The following PCDHGB2 variants were observed in gnomAD, a reference collection of about 807,000 sequenced individuals.
PCDHGB2 encodes the protein protocadherin gamma-B2.
A neutral mutation model predicts 59.3 loss-of-function variants in PCDHGB2; 55 were observed. The observed-to-expected ratio is 0.93, with a 90% CI of 0.75 to 1.16. The LOEUF (loss-of-function observed/expected upper bound fraction) is 1.16. Among genes scored for constraint, PCDHGB2 ranks in the 50% most tolerant of loss-of-function variants. PCDHGB2 has a pLI of 0.00. For synonymous variants in PCDHGB2, 516 were observed against 512.0 expected, an observed-to-expected ratio of 1.01 and a Z score of -0.11; for missense variants, 1,228 against 1,198.5, an observed-to-expected ratio of 1.02 and a Z score of -0.36.
intron 1 of PCDHGB2, chr5:141,427,988 T>C (rs555561265): frequency 6.3e-7 from 1 of 1,598,504 alleles, no homozygotes; most frequent in South Asian, 1.1e-5. Context: ...TGGGGCCCGA[T>C]GGCTCCGCAC....
At chr5:141,509,096 T>C (rs1364889034) in intron 3 of PCDHGB2, among the ~76,000 whole-genome samples, 1 of 152,124 alleles carries the variant, frequency 6.6e-6, no homozygotes, top group African/African-American at 2.4e-5. Context: ...ATGGGGGCTG[T>C]AGAAACCTGA....
chr5:141,451,789 G>A (rs2098724524), intron 1 of PCDHGB2, among the ~76,000 whole-genome samples: 1 of 152,074 alleles, frequency 6.6e-6, no homozygotes, highest in South Asian at 2.1e-4. Flanking sequence ...GCTGAGGCCA[G>A]AGAATTGCTT....
At chr5:141,426,937 C>T in intron 1 of PCDHGB2, 1 of 456,736 alleles carries the variant, frequency 2.2e-6, no homozygotes, top group Non-Finnish European at 4.4e-6. Flanking sequence ...ATGGGTGACC[C>T]AGTCCCAACT....
intron 1 of PCDHGB2, chr5:141,394,974 A>T: frequency 6.2e-7 from 1 of 1,613,852 alleles, no homozygotes; most frequent in Non-Finnish European, 8.5e-7. Context: ...GCGCTGGCAC[A>T]AGTCACGCCT....
rs779718690 is a variant in PCDHGB2, at chr5:141,421,727, C to G, written c.2421+59171C>G. ...AGGGATCCAGATGTGGGCGTGAACT[C>G]CCTCCAGAGCTACCAGCTCAGCCCT... On this transcript the variant is annotated intron_variant, in intron 1 of 3. Coordinates refer to ENST00000522605, the MANE Select transcript of PCDHGB2 (RefSeq NM_018923.3). The G allele has an allele frequency of 1.9e-6, 3 of 1,613,916 alleles. No individual in the cohort carries two copies. In the East Asian group the frequency reaches 6.7e-5, roughly 36 times the overall value.
intron 1 of PCDHGB2, among the ~76,000 whole-genome samples, chr5:141,467,305 G>A (rs535466592): frequency 1.3e-5 from 2 of 152,078 alleles, no homozygotes; most frequent in African/African-American, 4.8e-5. Flanking sequence ...CACTCACCTC[G>A]GCCTCCCACA....
intron 1 of PCDHGB2, among the ~76,000 whole-genome samples, chr5:141,463,191 C>T (rs2099054821): frequency 6.6e-6 from 1 of 152,100 alleles, no homozygotes; most frequent in Non-Finnish European, 1.5e-5. Flanking sequence ...TATTATTTAG[C>T]CAAAGACTTG....
intron 1 of PCDHGB2, chr5:141,421,647 G>C: frequency 6.2e-7 from 1 of 1,613,872 alleles, no homozygotes; most frequent in South Asian, 1.1e-5. Context: ...ACGAAGTGGA[G>C]ATAAAAGTCA....
intron 1 of PCDHGB2, 72 bp downstream of exon 1, chr5:141,362,628 C>T (rs1366089431): frequency 1.0e-5 from 15 of 1,498,628 alleles, no homozygotes; most frequent in African/African-American, 7.0e-5. Context: ...AGTTCCACTG[C>T]GTATTTCTTT....
rs576044355 is a variant in PCDHGB2 at position 141,375,342 on chromosome 5, T to A, written c.2421+12786T>A. 97 of 1,613,798 alleles carry A rather than the reference T, an allele frequency of 6.0e-5. 3 individuals are homozygous for A. In the South Asian group the frequency reaches 9.8e-4, roughly 16 times the overall value. On this transcript the variant is annotated intron_variant, in intron 1 of 3. Transcript: ENST00000522605. Reference sequence around the variant, plus strand: ...CGGGAAGAGGTATTCTTGTACAACATCACTGTGACAGCCACGGACAAAGGA... The same window carrying A: ...CGGGAAGAGGTATTCTTGTACAACAACACTGTGACAGCCACGGACAAAGGA...
chr5:141,417,599 C>G (rs1036283292), intron 1 of PCDHGB2: 4 of 500,492 alleles, frequency 8.0e-6, no homozygotes, highest in African/African-American at 7.8e-5. Flanking sequence ...CTCTGGGCGC[C>G]GCCGTCGGCC....
chr5:141,427,454 T>C (rs62379160), intron 1 of PCDHGB2: 18,356 of 489,902 alleles, frequency 0.037, 441 homozygotes, highest in Middle Eastern at 0.11. Context: ...GAGTTCCTTT[T>C]AGAATCGAAT....
In PCDHGB2 at chr5:141,485,275, G is replaced by C. The variant is rs77402299; in HGVS notation, c.2422-9532G>C. ...ACGTTTGTGGGCAGATCCGCTACCC[G>C]GTCCCAGAGGAGTCACAGGAAGGGA... On this transcript the variant is annotated intron_variant, in intron 1 of 3. Transcript: ENST00000522605. The surrounding 1 kb of genome is among the most constrained non-coding windows in gnomAD (Gnocchi z 5.7). The C allele has an allele frequency of 2.5e-6, 4 of 1,614,072 alleles. No individual in the cohort carries two copies. Among genetic ancestry groups the C allele is most frequent in the Admixed American group, 1.7e-5 (1 of 60,024 alleles).
chr5:141,376,611 C>G lies in PCDHGB2; in HGVS notation c.2421+14055C>G. 2.1e-6 allele frequency: 3 copies of G among 1,439,262 alleles called. No individual in the cohort carries two copies. The East Asian group carries it at 7.3e-5, about 35-fold the overall frequency. The allele number at this position is 1,439,262 out of a possible 1,614,324, so 89.2% of individuals were successfully genotyped here. A position where few individuals can be genotyped will look rare whatever the true frequency, so the allele number is the denominator to read the frequency against. On this transcript the variant is annotated intron_variant, in intron 1 of 3. Coordinates refer to ENST00000522605, the MANE Select transcript of PCDHGB2 (RefSeq NM_018923.3). ...GATCGGCTGTTATAGAAGCGAACCT[C>G]TTTTGGTACAGGAAGATTCGTGATT...
intron 1 of PCDHGB2, chr5:141,395,898 GC>G (rs1337402820): frequency 6.6e-6 from 1 of 151,994 alleles, no homozygotes; most frequent in Non-Finnish European, 1.5e-5. Context: ...TGGGCTCCAT[GC>G]CCATGGAGAC....
At chr5:141,380,410 C>T (rs1776475585) in intron 1 of PCDHGB2, among the ~76,000 whole-genome samples, 1 of 151,998 alleles carries the variant, frequency 6.6e-6, no homozygotes, top group Non-Finnish European at 1.5e-5. Flanking sequence ...AATTCGATGC[C>T]CAGGAAGCCA....
At chr5:141,421,267 C>T in intron 1 of PCDHGB2, 1 of 1,611,374 alleles carries the variant, frequency 6.2e-7, no homozygotes, top group Non-Finnish European at 8.5e-7. Flanking sequence ...CAGTCGGCTG[C>T]TGCTGCTGCT....
intron 3 of PCDHGB2, among the ~76,000 whole-genome samples, chr5:141,506,441 T>C (rs1940889203): frequency 9.8e-6 from 1 of 101,930 alleles, no homozygotes; most frequent in South Asian, 3.0e-4. Flanking sequence ...TCTCGCTCTG[T>C]CTCAAAAAAA....
In PCDHGB2 at chr5:141,487,678, C is replaced by T. The variant is rs1416406108; in HGVS notation, c.2422-7129C>T. ...ATTCTGATCCAGGCATATGGCTAGG[C>T]CATGTCCTAGAGAGTACTGGCCTCT... On this transcript the variant is annotated intron_variant, in intron 1 of 3. Transcript: ENST00000522605. The surrounding 1 kb of genome is among the most constrained non-coding windows in gnomAD (Gnocchi z 5.0). 6.2e-7 allele frequency: 1 copy of T among 1,609,696 alleles called. No individual in the cohort carries two copies. Among genetic ancestry groups the T allele is most frequent in the South Asian group, 1.1e-5 (1 of 90,230 alleles).
Sources: allele counts gnomAD v4.1 joint callset (sites outside exome capture counted in the v4.1 genomes callset), GRCh38; gene constraint gnomAD v4.1.1; non-coding constraint Gnocchi (gnomAD v3.1); transcripts MANE v1.5; gene names NCBI Gene and HGNC (gene_info 2026-07-23, HGNC 2026-07-21).